The following GRM4 variants were observed in gnomAD, a reference collection of about 807,000 sequenced individuals.
GRM4 encodes the protein metabotropic glutamate receptor 4.
Under a neutral mutation model 81.7 loss-of-function variants are expected in GRM4, and 28 were observed. The ratio of observed to expected loss-of-function variants is 0.34; its 90% CI spans 0.25 to 0.47. The LOEUF (loss-of-function observed/expected upper bound fraction) is 0.47. GRM4 is among the 20% of genes least tolerant of loss of function. GRM4 has a pLI of 1.00. For missense variants in GRM4, 948 were observed against 1,290.0 expected, an observed-to-expected ratio of 0.73 and a Z score of 4.06; for synonymous variants, 488 against 528.8, an observed-to-expected ratio of 0.92 and a Z score of 1.06.
At chr6:34,049,952 G>A (rs1173994240) in intron 6 of GRM4, among the ~76,000 whole-genome samples, 1 of 152,118 alleles carries the variant, frequency 6.6e-6, no homozygotes, top group East Asian at 1.9e-4. Flanking sequence ...ATCTCATTAG[G>A]ACATAAATCA....
At chr6:34,106,797 C>A (rs1769150061) in intron 2 of GRM4, among the ~76,000 whole-genome samples, 2 of 152,272 alleles carry the variant, frequency 1.3e-5, no homozygotes, top group African/African-American at 2.4e-5. Flanking sequence ...GCCTGGCACC[C>A]ACACTGTCAT....
rs889512393 is a variant in GRM4, at chr6:34,070,890, C to T, written c.737-8862G>A. On this transcript the variant is annotated intron_variant, in intron 3 of 10. Coordinates refer to ENST00000538487, the MANE Select transcript of GRM4 (RefSeq NM_000841.4). The surrounding 1 kb of genome is among the most constrained non-coding windows in gnomAD (Gnocchi z 4.6). ...GCTCACAAAGTTTCACGGTCACACA[C>T]GCTCACCAGGGACACAGCTCCCATC... Among the ~76,000 whole-genome samples the T allele has an allele frequency of 6.6e-6, 1 of 151,424 alleles. No homozygotes were observed. The highest frequency in any genetic ancestry group is 1.5e-5 in the Non-Finnish European group (1 of 67,890).
Position 34,020,164 on chromosome 6 carries a change from C to G in GRM4, c.*2657G>C, listed in dbSNP as rs143701204. 0.01 allele frequency: 1,538 copies of G among 152,468 alleles called. 13 individuals are homozygous for G. Among genetic ancestry groups the G allele is most frequent in the South Asian group, 0.016 (75 of 4,824 alleles). The allele number at this position is 152,468 out of a possible 1,614,324, so 9.4% of individuals were successfully genotyped here. A position where few individuals can be genotyped will look rare whatever the true frequency, so the allele number is the denominator to read the frequency against. ...GGGACACAGTCTGCTGTATCTCCCC[C>G]ATCACACTGGAAGCTCCCTGAGGGC... On this transcript the variant is annotated 3_prime_UTR_variant, in exon 11 of 11. Coordinates refer to ENST00000538487, the MANE Select transcript of GRM4 (RefSeq NM_000841.4).
intron 3 of GRM4, among the ~76,000 whole-genome samples, chr6:34,073,126 A>T (rs1767080140): frequency 2.0e-5 from 2 of 99,742 alleles, no homozygotes; most frequent in African/African-American, 8.1e-5. Context: ...ACACAGATAC[A>T]CACCACACAC....
Position 34,092,945 on chromosome 6 carries a change from T to A in GRM4, c.520-846A>T, listed in dbSNP as rs1402421761. Among the ~76,000 whole-genome samples, 2 of 151,896 alleles carry A rather than the reference T, an allele frequency of 1.3e-5. No individual in the cohort carries two copies. The highest frequency in any genetic ancestry group is 2.9e-5 in the Non-Finnish European group (2 of 67,946). On this transcript the variant is annotated intron_variant, in intron 2 of 10. Transcript: ENST00000538487. This position sits in a 1 kb window ranked among gnomAD's most constrained non-coding sequence, Gnocchi z 6.8. ...TGGTCCCTCCTCTCCGCCCCTCCCC[T>A]CCAGGGCGCCACCCACTGCTCTGCT...
At chr6:34,147,654 C>T (rs1770965492), upstream of GRM4, among the ~76,000 whole-genome samples, 1 of 152,198 alleles carries the variant, frequency 6.6e-6, no homozygotes, top group Non-Finnish European at 1.5e-5. Context: ...AGCTCAAATT[C>T]ACCCTGCCTT....
chr6:34,105,166 C>T lies in GRM4; in HGVS notation c.520-13067G>A, dbSNP rs965119298. 2.6e-5 allele frequency among the ~76,000 whole-genome samples: 4 copies of T among 152,070 alleles called. No individual in the cohort carries two copies. In the East Asian group the frequency reaches 5.8e-4, roughly 22 times the overall value. ...TATTACCATTATTGAACACATGAGC[C>T]GATAAAAGTCACATCACCATCTTTC... On this transcript the variant is annotated intron_variant, in intron 2 of 10. Transcript: ENST00000538487.
In GRM4 at chr6:34,130,211, G is replaced by A. The variant is rs1291332011; in HGVS notation, c.519+2767C>T. ...TTCTATCAGTTTAATTATTGAGGAGGCCTCTTGTCACCAGCCTGGAACATT... is the reference window on the plus strand; with the variant it reads ...TTCTATCAGTTTAATTATTGAGGAGACCTCTTGTCACCAGCCTGGAACATT... On this transcript the variant is annotated intron_variant, in intron 2 of 10. Transcript: ENST00000538487. This position sits in a 1 kb window ranked among gnomAD's most constrained non-coding sequence, Gnocchi z 4.1. 6.6e-6 allele frequency among the ~76,000 whole-genome samples: 1 copy of A among 152,184 alleles called. No individual in the cohort carries two copies. Among genetic ancestry groups the A allele is most frequent in the African/African-American group, 2.4e-5 (1 of 41,422 alleles).
intron 8 of GRM4, among the ~76,000 whole-genome samples, chr6:34,037,843 C>G (rs1313166145): frequency 7.8e-6 from 1 of 128,768 alleles, no homozygotes; most frequent in African/African-American, 2.9e-5. Flanking sequence ...AGCCTGACGA[C>G]AGAGCAAGAT....
chr6:34,100,712 C>T (rs767549654), intron 2 of GRM4, among the ~76,000 whole-genome samples: 1 of 152,222 alleles, frequency 6.6e-6, no homozygotes, highest in Non-Finnish European at 1.5e-5. Context: ...GGCCATCAGC[C>T]AAACATTTCA....
rs972210537 is a variant in GRM4, at chr6:34,074,762, A to T, written c.737-12734T>A. Among the ~76,000 whole-genome samples, 3 of 152,208 alleles carry T rather than the reference A, an allele frequency of 2.0e-5. No individual in the cohort carries two copies. Among genetic ancestry groups the T allele is most frequent in the African/African-American group, 7.2e-5 (3 of 41,452 alleles). ...CCTTTGAAGCGAGAAAGGCGGAAAA[A>T]TAATAGAAAAGGGAAGCCGTGGTGT... On this transcript the variant is annotated intron_variant, in intron 3 of 10. Transcript: ENST00000538487. The surrounding 1 kb of genome is among the most constrained non-coding windows in gnomAD (Gnocchi z 4.9).
At chr6:34,099,617 C>G (rs993846008) in intron 2 of GRM4, among the ~76,000 whole-genome samples, 1 of 152,150 alleles carries the variant, frequency 6.6e-6, no homozygotes, top group Non-Finnish European at 1.5e-5. Context: ...ATCCCTGATG[C>G]GCACCGCTGG....
intron 2 of GRM4, chr6:34,110,708 G>C: frequency 6.6e-7 from 1 of 1,520,436 alleles, no homozygotes. Context: ...CAGCCTCCCC[G>C]CTGTGCCGGG....
chr6:34,079,170 C>G (rs898225022), intron 3 of GRM4, among the ~76,000 whole-genome samples: 1 of 152,180 alleles, frequency 6.6e-6, no homozygotes, highest in African/African-American at 2.4e-5. Flanking sequence ...TCCAGCAGGC[C>G]GGGGAAAGCG....
chr6:34,070,122 C>G lies in GRM4; in HGVS notation c.737-8094G>C, dbSNP rs1413395974. ...GCTCTGTAGGAGTTGGAGGTGAACA[C>G]TCGCACCTGCTCACACGCTCCCATC... is the stretch of plus-strand genomic sequence containing the variant. On this transcript the variant is annotated intron_variant, in intron 3 of 10. Transcript: ENST00000538487. This position sits in a 1 kb window ranked among gnomAD's most constrained non-coding sequence, Gnocchi z 4.6. Among the ~76,000 whole-genome samples, 1 of 152,162 alleles carries G rather than the reference C, an allele frequency of 6.6e-6. No homozygotes were observed. Among genetic ancestry groups the G allele is most frequent in the Non-Finnish European group, 1.5e-5 (1 of 68,016 alleles).
intron 6 of GRM4, among the ~76,000 whole-genome samples, chr6:34,043,324 A>G (rs1222120524): frequency 1.3e-5 from 2 of 152,186 alleles, no homozygotes; most frequent in African/African-American, 4.8e-5. Context: ...GGGCCTAGGG[A>G]GAAATGGAAT....
At chr6:34,032,616 A>G (rs1194004690) in intron 9 of GRM4, among the ~76,000 whole-genome samples, 1 of 152,200 alleles carries the variant, frequency 6.6e-6, no homozygotes, top group Non-Finnish European at 1.5e-5. Flanking sequence ...AGCCTGTCGT[A>G]TGACCTGGGA....
rs1336481372 is a variant in GRM4, at chr6:34,070,608, G to T, written c.737-8580C>A. Among the ~76,000 whole-genome samples, 11 of 152,082 alleles carry T rather than the reference G, an allele frequency of 7.2e-5. No individual in the cohort carries two copies. Among genetic ancestry groups the T allele is most frequent in the African/African-American group, 2.2e-4 (9 of 41,436 alleles). On this transcript the variant is annotated intron_variant, in intron 3 of 10. Transcript: ENST00000538487. The surrounding 1 kb of genome is among the most constrained non-coding windows in gnomAD (Gnocchi z 4.6). Reference sequence around the variant, plus strand: ...TAGTGGGGTGGGGCTGCTGAGGCAGGAGGGCAGGAGCTCGGAGGACAGGGG... The same window carrying T: ...TAGTGGGGTGGGGCTGCTGAGGCAGTAGGGCAGGAGCTCGGAGGACAGGGG...
Position 34,086,826 on chromosome 6 carries a change from TTAAAACA to T in GRM4, c.736+5050_736+5056del, listed in dbSNP as rs1180211651. ...AAATGAGGTAATATGTACAAAGCAC[TTAAAACA>T]GGCCTGGGCCAGGTGCAGTGGTTCA... On this transcript the variant is annotated intron_variant, in intron 3 of 10. Coordinates refer to ENST00000538487, the MANE Select transcript of GRM4 (RefSeq NM_000841.4). 3.9e-5 allele frequency among the ~76,000 whole-genome samples: 6 copies of T among 152,320 alleles called. No homozygotes were observed. In the East Asian group the frequency reaches 1.2e-3, roughly 29 times the overall value.
Sources: gnomAD v4.1 joint callset for allele counts (sites outside exome capture counted in the v4.1 genomes callset) on GRCh38, gnomAD v4.1.1 for gene constraint, Gnocchi (gnomAD v3.1) non-coding constraint, MANE v1.5 for transcripts, NCBI Gene and HGNC (gene_info 2026-07-23, HGNC 2026-07-21) for gene names.